PITPNC1: variants seen among roughly 807,000 people sequenced by gnomAD.
The protein encoded by PITPNC1 is cytoplasmic phosphatidylinositol transfer protein 1.
A neutral mutation model predicts 44.7 loss-of-function variants in PITPNC1; 18 were observed. The ratio of observed to expected loss-of-function variants is 0.40; its 90% confidence interval spans 0.28 to 0.60. The LOEUF (loss-of-function observed/expected upper bound fraction) is 0.60. PITPNC1 is among the 20% of genes least tolerant of loss of function. PITPNC1 has a pLI of 0.39. For missense variants in PITPNC1, 290 were observed against 418.4 expected (o/e 0.69, Z 2.68); for synonymous variants, 141 against 149.6 (o/e 0.94, Z 0.42).
intron 1 of PITPNC1, among the ~76,000 whole-genome samples, chr17:67,424,765 G>T (rs1419383971): frequency 6.6e-6 from 1 of 151,896 alleles, no homozygotes; most frequent in Non-Finnish European, 1.5e-5. Flanking sequence ...TGGCGTGATC[G>T]GCTCGCTGCA....
At chr17:67,407,360 C>T (rs2038415679) in intron 1 of PITPNC1, among the ~76,000 whole-genome samples, 1 of 152,112 alleles carries the variant, frequency 6.6e-6, no homozygotes, top group East Asian at 1.9e-4. Flanking sequence ...GGTTACATGT[C>T]TTCTTTTGTT....
At position 67,632,224 on chromosome 17, in the gene PITPNC1, T is replaced by C. The variant is rs2144333736; in HGVS notation, c.448T>C (p.Tyr150His). 1 of 1,602,146 alleles carries C rather than the reference T, an allele frequency of 6.2e-7. No individual in the cohort carries two copies. Among genetic ancestry groups the C allele is most frequent in the Middle Eastern group, 1.7e-4 (1 of 6,048 alleles). Residue 150 changes from tyrosine to histidine, a missense_variant, in exon 6 of 9, where the codon TAC (tyrosine) becomes CAC (histidine). Tyr to His is a moderately conservative substitution (Grantham distance 83, BLOSUM62 2). Transcript: ENST00000581322. ...IACDEIPERYYKESEDPKHFK... is the reference protein window; with the variant it reads ...IACDEIPERYHKESEDPKHFK... ...CTGCGATGAAATTCCAGAGCGCTAC[T>C]ACAAAGAATCTGAGGTAAGCAACAG... is the stretch of plus-strand genomic sequence containing the variant.
chr17:67,485,306 G>T (rs2039762840), intron 1 of PITPNC1, among the ~76,000 whole-genome samples: 1 of 151,424 alleles, frequency 6.6e-6, no homozygotes. Flanking sequence ...TGTGGATTTT[G>T]CACTAGGGTA....
intron 5 of PITPNC1, among the ~76,000 whole-genome samples, chr17:67,617,306 G>T (rs1479546210): frequency 6.6e-6 from 1 of 152,200 alleles, no homozygotes; most frequent in Non-Finnish European, 1.5e-5. Context: ...AGGAGTTTGA[G>T]ACTAGCCTGG....
chr17:67,401,913 C>T (rs138579228), intron 1 of PITPNC1, among the ~76,000 whole-genome samples: 52 of 152,146 alleles, frequency 3.4e-4, no homozygotes, highest in African/African-American at 1.2e-3. Flanking sequence ...CACTGGCTTG[C>T]TACTCTCAAT....
Position 67,591,575 on chromosome 17 carries a change from C to A in PITPNC1, c.366+13318C>A, listed in dbSNP as rs562811074. ...AATGTGAAAGACAAAGCAAAAGAAG[C>A]AAATGTTAACGGCTGGAGAATCTGG... On this transcript the variant is annotated intron_variant, in intron 5 of 8. Coordinates refer to ENST00000581322, the MANE Select transcript of PITPNC1 (RefSeq NM_012417.4). 1.1e-3 allele frequency among the ~76,000 whole-genome samples: 172 copies of A among 152,260 alleles called. 1 individual carries two copies. Among genetic ancestry groups the A allele is most frequent in the African/African-American group, 4.0e-3 (166 of 41,554 alleles).
At chr17:67,400,377 A>T (rs544360534) in intron 1 of PITPNC1, among the ~76,000 whole-genome samples, 1 of 152,340 alleles carries the variant, frequency 6.6e-6, no homozygotes, top group African/African-American at 2.4e-5. Context: ...CAAGATTGCC[A>T]TTGGAAATAG....
chr17:67,474,848 CT>C (rs2144014746), intron 1 of PITPNC1, among the ~76,000 whole-genome samples: 1 of 151,620 alleles, frequency 6.6e-6, no homozygotes, highest in East Asian at 1.9e-4. Flanking sequence ...AAGAGGGGGA[CT>C]CACTGTGTTG....
intron 5 of PITPNC1, among the ~76,000 whole-genome samples, chr17:67,630,044 G>A (rs777582966): frequency 1.3e-5 from 2 of 152,194 alleles, no homozygotes; most frequent in Non-Finnish European, 2.9e-5. Context: ...ATTTAGAAAG[G>A]ACTAATCGTT....
At chr17:67,498,821 C>T (rs566393982) in intron 1 of PITPNC1, among the ~76,000 whole-genome samples, 17 of 149,600 alleles carry the variant, frequency 1.1e-4, no homozygotes, top group African/African-American at 3.9e-4. Flanking sequence ...ATTTCATATA[C>T]TCATGTACTC....
chr17:67,645,391 T>C (rs2042137856), intron 6 of PITPNC1, among the ~76,000 whole-genome samples: 1 of 150,134 alleles, frequency 6.7e-6, no homozygotes, highest in Admixed American at 6.6e-5. Flanking sequence ...GATTGACACA[T>C]TGAGGAGGAG....
Position 67,676,883 on chromosome 17 carries a change from G to A in PITPNC1, c.682+1341G>A, listed in dbSNP as rs1171285789. Among the ~76,000 whole-genome samples the A allele has an allele frequency of 6.6e-6, 1 of 151,248 alleles. No homozygotes were observed. The highest frequency in any genetic ancestry group is 6.6e-5 in the Admixed American group (1 of 15,134). On this transcript the variant is annotated intron_variant, in intron 8 of 8. Coordinates refer to ENST00000581322, the MANE Select transcript of PITPNC1 (RefSeq NM_012417.4). This position sits in a 1 kb window ranked among gnomAD's most constrained non-coding sequence, Gnocchi z 4.0. ...TTCCCAGATCTGCACCTTCTGAAGAGCAAATGCACCTTCCTGGGTTTGTCC... is the reference window on the plus strand; with the variant it reads ...TTCCCAGATCTGCACCTTCTGAAGAACAAATGCACCTTCCTGGGTTTGTCC...
intron 6 of PITPNC1, among the ~76,000 whole-genome samples, chr17:67,649,502 CTA>C (rs1385893486): frequency 6.6e-6 from 1 of 152,088 alleles, no homozygotes; most frequent in African/African-American, 2.4e-5. Context: ...CCAGCACCAG[CTA>C]TGTGTCCAAC....
intron 5 of PITPNC1, among the ~76,000 whole-genome samples, chr17:67,614,988 G>A (rs1027023084): frequency 3.3e-5 from 5 of 152,106 alleles, no homozygotes; most frequent in Non-Finnish European, 7.4e-5. Flanking sequence ...CCCACCCAGG[G>A]GCCTCATACC....
At chr17:67,573,712 G>A (rs1028029566) in intron 4 of PITPNC1, among the ~76,000 whole-genome samples, 1 of 151,968 alleles carries the variant, frequency 6.6e-6, no homozygotes, top group African/African-American at 2.4e-5. Context: ...ACAGGCATCT[G>A]CCATCATGCC....
At chr17:67,378,339 G>A (rs1473152392) in intron 1 of PITPNC1, 137 bp downstream of exon 1, 3 of 526,626 alleles carry the variant, frequency 5.7e-6, no homozygotes, top group East Asian at 3.7e-5. Flanking sequence ...CTGGAGGAGA[G>A]GAGGGAGGGG....
intron 5 of PITPNC1, among the ~76,000 whole-genome samples, chr17:67,619,115 TA>T (rs1450253600): frequency 6.6e-6 from 1 of 152,050 alleles, no homozygotes; most frequent in African/African-American, 2.4e-5. Flanking sequence ...AGAAACTTTT[TA>T]AAAAAGAAAG....
At chr17:67,526,132 A>AG (rs2040389046) in intron 1 of PITPNC1, among the ~76,000 whole-genome samples, 1 of 152,180 alleles carries the variant, frequency 6.6e-6, no homozygotes, top group Admixed American at 6.5e-5. Context: ...GGACTAATGG[A>AG]GGGAAAGAAA....
intron 1 of PITPNC1, among the ~76,000 whole-genome samples, chr17:67,425,197 G>GCGCA (rs748898605): frequency 1.2e-4 from 12 of 98,468 alleles, no homozygotes; most frequent in African/African-American, 2.2e-4. Flanking sequence ...GCGCGCGCAC[G>GCGCA]CACACGCACA....
Sources: allele counts gnomAD v4.1 joint callset (sites outside exome capture counted in the v4.1 genomes callset), GRCh38; gene constraint gnomAD v4.1.1; non-coding constraint Gnocchi (gnomAD v3.1); transcripts MANE v1.5; gene names NCBI Gene and HGNC (gene_info 2026-07-23, HGNC 2026-07-21).